Variants in RPS6KC1 observed in about 807,000 individuals in gnomAD.
RPS6KC1 encodes ribosomal protein S6 kinase C1.
Under a neutral mutation model 103.8 loss-of-function variants are expected in RPS6KC1, and 54 were observed. That is an observed-to-expected ratio of 0.52 (90% CI 0.42 to 0.65). RPS6KC1 has a LOEUF of 0.65. Ranked by LOEUF, RPS6KC1 falls within the 30% of genes least tolerant of loss-of-function variation. The probability of loss-of-function intolerance (pLI) is 0.00; values close to 1 mark genes in which losing one functional copy is unlikely to be tolerated. For synonymous variants in RPS6KC1, 439 were observed against 438.7 expected, an observed-to-expected ratio of 1.00 and a Z score of -0.01; for missense variants, 1,151 against 1,253.8, an observed-to-expected ratio of 0.92 and a Z score of 1.24.
the RPS6KC1 span, chr1:213,835,781 C>T: frequency 6.6e-6 from 1 of 152,132 alleles, no homozygotes; most frequent in East Asian, 1.9e-4. Flanking sequence ...TAGAGTGAGG[C>T]TGAGATGAGT....
At chr1:213,234,014 C>CTCT (rs1443142528) in intron 10 of RPS6KC1, among the ~76,000 whole-genome samples, 1 of 135,152 alleles carries the variant, frequency 7.4e-6, no homozygotes, top group African/African-American at 2.8e-5. Flanking sequence ...CTCTCTCTCT[C>CTCT]TTTTTTTTTT....
chr1:213,375,064 CACACACAT>C, the RPS6KC1 span, among the ~76,000 whole-genome samples: 25 of 151,556 alleles, frequency 1.6e-4, no homozygotes, highest in African/African-American at 5.4e-4. Flanking sequence ...TACACACATA[CACACACAT>C]ACACACATAC....
At chr1:213,270,138 C>G (rs1018042442) in intron 14 of RPS6KC1, among the ~76,000 whole-genome samples, 3 of 152,164 alleles carry the variant, frequency 2.0e-5, no homozygotes, top group Admixed American at 6.5e-5. Context: ...AGGACTTACA[C>G]TATCTGATTT....
the RPS6KC1 span, among the ~76,000 whole-genome samples, chr1:213,588,321 G>C: frequency 6.8e-6 from 1 of 147,270 alleles, no homozygotes; most frequent in East Asian, 2.0e-4. Context: ...TTGAGATGGA[G>C]TCTCACTTGT....
At chr1:213,590,145 G>A in the RPS6KC1 span, among the ~76,000 whole-genome samples, 1 of 152,140 alleles carries the variant, frequency 6.6e-6, no homozygotes, top group Non-Finnish European at 1.5e-5. Context: ...AGAAAAATTG[G>A]TGCTTTACGT....
chr1:213,836,480 C>T, the RPS6KC1 span, among the ~76,000 whole-genome samples: 1 of 151,966 alleles, frequency 6.6e-6, no homozygotes, highest in African/African-American at 2.4e-5. Flanking sequence ...CTCTTCATCT[C>T]CTTCCTCTTC....
chr1:213,740,208 T>G, the RPS6KC1 span, among the ~76,000 whole-genome samples: 1 of 152,072 alleles, frequency 6.6e-6, no homozygotes, highest in South Asian at 2.1e-4. Flanking sequence ...TCCAACACAA[T>G]CAGAAATTCC....
At chr1:213,357,152 C>T in the RPS6KC1 span, among the ~76,000 whole-genome samples, 1 of 150,918 alleles carries the variant, frequency 6.6e-6, no homozygotes, top group African/African-American at 2.5e-5. Context: ...GATTCCTTGG[C>T]TTCAGACCCA....
intron 3 of RPS6KC1, among the ~76,000 whole-genome samples, chr1:213,096,907 T>A (rs373262353): frequency 6.6e-6 from 1 of 152,120 alleles, no homozygotes; most frequent in East Asian, 1.9e-4. Context: ...CAGAAATATA[T>A]AGGTAAATAA....
intron 12 of RPS6KC1, among the ~76,000 whole-genome samples, chr1:213,257,156 G>A (rs918963187): frequency 3.9e-5 from 6 of 152,036 alleles, no homozygotes; most frequent in African/African-American, 9.7e-5. Flanking sequence ...ACTCTCCCTC[G>A]GCCTCCCCAC....
At chr1:213,535,627 T>C in the RPS6KC1 span, among the ~76,000 whole-genome samples, 7 of 152,068 alleles carry the variant, frequency 4.6e-5, no homozygotes, top group Non-Finnish European at 1.0e-4. Flanking sequence ...GGGTTGTTGA[T>C]TTGTGGCTTG....
At chr1:213,169,672 T>TG (rs941107153) in intron 7 of RPS6KC1, among the ~76,000 whole-genome samples, 3 of 152,050 alleles carry the variant, frequency 2.0e-5, no homozygotes, top group Non-Finnish European at 2.9e-5. Flanking sequence ...AATTTCATTT[T>TG]GGGGGGGCAT....
chr1:213,585,652 A>G, the RPS6KC1 span, among the ~76,000 whole-genome samples: 2 of 152,140 alleles, frequency 1.3e-5, no homozygotes, highest in East Asian at 3.9e-4. Flanking sequence ...CCCTGGATGG[A>G]GTCCCACCTC....
At chr1:213,347,464 G>C in the RPS6KC1 span, among the ~76,000 whole-genome samples, 4 of 152,302 alleles carry the variant, frequency 2.6e-5, no homozygotes, top group South Asian at 2.1e-4. Flanking sequence ...AACACTTTGA[G>C]AGGTTGAGGC....
chr1:213,183,527 A>G (rs1304813884), intron 8 of RPS6KC1, among the ~76,000 whole-genome samples: 2 of 152,120 alleles, frequency 1.3e-5, no homozygotes, highest in East Asian at 3.8e-4. Context: ...CTAGAAACAA[A>G]CAGTTATACT....
At chr1:213,368,383 C>G in the RPS6KC1 span, among the ~76,000 whole-genome samples, 1 of 152,094 alleles carries the variant, frequency 6.6e-6, no homozygotes, top group South Asian at 2.1e-4. Flanking sequence ...TTCTTTTACA[C>G]GAGAGGGTAG....
At chr1:213,238,315 G>GA (rs965655740) in intron 10 of RPS6KC1, among the ~76,000 whole-genome samples, 1 of 152,022 alleles carries the variant, frequency 6.6e-6, no homozygotes, top group Non-Finnish European at 1.5e-5. Context: ...GAAACTATTA[G>GA]AAAAAAACAT....
the RPS6KC1 span, among the ~76,000 whole-genome samples, chr1:213,312,326 ATGACT>A: frequency 1.3e-5 from 2 of 152,118 alleles, no homozygotes; most frequent in African/African-American, 4.8e-5. Context: ...GGAGCAGAAA[ATGACT>A]TGAGGTGACC....
chr1:213,117,969 C>T (rs2083863412), intron 5 of RPS6KC1, among the ~76,000 whole-genome samples: 1 of 133,760 alleles, frequency 7.5e-6, no homozygotes, highest in Non-Finnish European at 1.6e-5. Context: ...TTGCAGTGAG[C>T]TGAGACTGTG....
Sources: allele counts gnomAD v4.1 joint callset (sites outside exome capture counted in the v4.1 genomes callset), GRCh38; gene constraint gnomAD v4.1.1; transcripts MANE v1.5; gene names NCBI Gene and HGNC (gene_info 2026-07-23, HGNC 2026-07-21).